Variants in INPP4B observed in about 807,000 individuals in gnomAD.
INPP4B encodes inositol polyphosphate 4-phosphatase type II.
INPP4B carries 55 observed loss-of-function variants against 122.5 expected under a neutral mutation model. That is an observed-to-expected ratio of 0.45 (90% CI 0.36 to 0.56). The LOEUF (loss-of-function observed/expected upper bound fraction) is 0.56, where lower values mean the gene tolerates loss of function less well. INPP4B is among the 20% of genes least tolerant of loss of function. The pLI, the probability that INPP4B is intolerant of heterozygous loss-of-function variation, is 0.00. For missense variants in INPP4B, 1,000 were observed against 1,097.7 expected, an observed-to-expected ratio of 0.91 and a Z score of 1.26; for synonymous variants, 403 against 388.7, an observed-to-expected ratio of 1.04 and a Z score of -0.43.
intron 2 of INPP4B, among the ~76,000 whole-genome samples, chr4:142,637,019 TTTTA>T (rs1370312303): frequency 1.3e-5 from 2 of 152,216 alleles, no homozygotes; most frequent in Non-Finnish European, 2.9e-5. Context: ...CTTATTTATT[TTTTA>T]TTTATCAATA....
chr4:142,549,768 G>C (rs1727538190), intron 2 of INPP4B, among the ~76,000 whole-genome samples: 1 of 152,122 alleles, frequency 6.6e-6, no homozygotes, highest in South Asian at 2.1e-4. Flanking sequence ...TCAGGTAATA[G>C]GCATGGGTTA....
intron 10 of INPP4B, among the ~76,000 whole-genome samples, chr4:142,268,697 T>G (rs2150529762): frequency 6.6e-6 from 1 of 152,224 alleles, no homozygotes; most frequent in Middle Eastern, 3.4e-3. Context: ...GTTCTGTCAT[T>G]AGTGACAACA....
At chr4:142,513,643 G>C (rs1486897038) in intron 2 of INPP4B, among the ~76,000 whole-genome samples, 2 of 152,142 alleles carry the variant, frequency 1.3e-5, no homozygotes, top group Non-Finnish European at 2.9e-5. Context: ...CCTGACCTCA[G>C]GTGATCCACT....
chr4:142,445,550 TAAC>T, intron 3 of INPP4B, among the ~76,000 whole-genome samples: 1 of 152,130 alleles, frequency 6.6e-6, no homozygotes, highest in East Asian at 1.9e-4. Flanking sequence ...AAAAATTTCA[TAAC>T]AGATGAAGCA....
chr4:142,205,320 G>A (rs752314004), intron 14 of INPP4B, among the ~76,000 whole-genome samples: 2 of 152,176 alleles, frequency 1.3e-5, no homozygotes, highest in Non-Finnish European at 2.9e-5. Context: ...CTGGTTTGAT[G>A]ACACTGTCAT....
At chr4:142,696,938 G>A (rs1029275148) in intron 2 of INPP4B, among the ~76,000 whole-genome samples, 6 of 152,122 alleles carry the variant, frequency 3.9e-5, no homozygotes, top group East Asian at 1.9e-4. Flanking sequence ...GTGCAGCCCC[G>A]CACACTCCAC....
chr4:142,202,274 ATC>A (rs1840951191), intron 14 of INPP4B, among the ~76,000 whole-genome samples: 1 of 152,064 alleles, frequency 6.6e-6, no homozygotes, highest in Admixed American at 6.6e-5. Flanking sequence ...TTCCCAGAAG[ATC>A]TTTCTAAAAT....
intron 7 of INPP4B, among the ~76,000 whole-genome samples, chr4:142,386,679 G>A (rs546749478): frequency 1.2e-4 from 19 of 152,236 alleles, no homozygotes; most frequent in Admixed American, 3.3e-4. Flanking sequence ...TGTATGCCAC[G>A]TCCCTTTTTA....
intron 11 of INPP4B, among the ~76,000 whole-genome samples, chr4:142,252,256 T>A (rs1056250225): frequency 6.7e-6 from 1 of 148,154 alleles, no homozygotes; most frequent in African/African-American, 2.5e-5. Context: ...TGGCGCGATC[T>A]CGGCTCACTG....
At chr4:142,544,284 G>A (rs1829297616) in intron 2 of INPP4B, among the ~76,000 whole-genome samples, 1 of 152,082 alleles carries the variant, frequency 6.6e-6, no homozygotes, top group African/African-American at 2.4e-5. Context: ...CTCTCAAAGT[G>A]CATTGGAACA....
chr4:142,539,137 T>C (rs1828637330), intron 2 of INPP4B, among the ~76,000 whole-genome samples: 1 of 144,858 alleles, frequency 6.9e-6, no homozygotes. Context: ...GTAGCAAATT[T>C]TTTTCTTTGA....
At chr4:142,620,972 A>G (rs1744783276) in intron 2 of INPP4B, among the ~76,000 whole-genome samples, 1 of 151,968 alleles carries the variant, frequency 6.6e-6, no homozygotes, top group South Asian at 2.1e-4. Context: ...CTATAAATCA[A>G]AAAAGTAAAT....
intron 2 of INPP4B, among the ~76,000 whole-genome samples, chr4:142,530,633 A>G (rs1386259656): frequency 1.3e-5 from 2 of 151,834 alleles, no homozygotes; most frequent in Non-Finnish European, 1.5e-5. Flanking sequence ...TAAGGCAGAA[A>G]AAAATAATTG....
intron 8 of INPP4B, chr4:142,305,916 T>C (rs955722694): frequency 1.9e-6 from 2 of 1,031,978 alleles, no homozygotes; most frequent in East Asian, 9.2e-5. Context: ...CTCAAATCAC[T>C]GGCAGCAACA....
At chr4:142,554,666 A>C (rs1017783845) in intron 2 of INPP4B, among the ~76,000 whole-genome samples, 2 of 152,186 alleles carry the variant, frequency 1.3e-5, no homozygotes, top group African/African-American at 4.8e-5. Context: ...TGTGTTTTCA[A>C]CCTCACTAAT....
At chr4:142,139,198 T>C (rs986892149) in intron 18 of INPP4B, among the ~76,000 whole-genome samples, 14 of 152,236 alleles carry the variant, frequency 9.2e-5, no homozygotes, top group Admixed American at 5.2e-4. Flanking sequence ...AAGAATTTTC[T>C]TCTTTCTTTT....
At chr4:142,731,023 G>T (rs1243376560) in intron 1 of INPP4B, among the ~76,000 whole-genome samples, 1 of 151,970 alleles carries the variant, frequency 6.6e-6, no homozygotes, top group Non-Finnish European at 1.5e-5. Flanking sequence ...ATGTAGGTTT[G>T]TTACTTAGGT....
intron 2 of INPP4B, among the ~76,000 whole-genome samples, chr4:142,543,485 GA>G (rs1231561140): frequency 1.3e-5 from 2 of 152,136 alleles, no homozygotes; most frequent in Non-Finnish European, 2.9e-5. Context: ...CTTTCTGACG[GA>G]GCTAAATCCA....
intron 12 of INPP4B, among the ~76,000 whole-genome samples, chr4:142,219,834 C>T (rs544350165): frequency 6.6e-6 from 1 of 152,144 alleles, no homozygotes; most frequent in Non-Finnish European, 1.5e-5. Context: ...GGTTAGTGGA[C>T]ACCATAAGAT....
Sources: gnomAD v4.1 joint callset for allele counts (sites outside exome capture counted in the v4.1 genomes callset) on GRCh38, gnomAD v4.1.1 for gene constraint, MANE v1.5 for transcripts, NCBI Gene and HGNC (gene_info 2026-07-23, HGNC 2026-07-21) for gene names.